Variants in LRP1B observed in about 807,000 individuals in gnomAD.
LRP1B encodes the protein low-density lipoprotein receptor-related protein 1B.
In LRP1B, 217 loss-of-function variants were observed where a neutral mutation model predicts 556.6. The ratio of observed to expected loss-of-function variants is 0.39; its 90% CI spans 0.35 to 0.44. The LOEUF is 0.44. Among genes scored for constraint, LRP1B ranks in the 20% least tolerant of loss-of-function variants. The probability of loss-of-function intolerance (pLI) is 1.00; values close to 1 mark genes in which losing one functional copy is unlikely to be tolerated. For missense variants in LRP1B, 5,053 were observed against 5,620.8 expected, an observed-to-expected ratio of 0.90 and a Z score of 3.23; for synonymous variants, 2,047 against 1,865.8, an observed-to-expected ratio of 1.10 and a Z score of -2.50.
intron 33 of LRP1B, among the ~76,000 whole-genome samples, chr2:140,773,421 A>T (rs1235489559): frequency 6.6e-6 from 1 of 152,156 alleles, no homozygotes; most frequent in African/African-American, 2.4e-5. Flanking sequence ...GTGAGCTGAC[A>T]TAGTGCCACT....
chr2:141,511,938 A>G (rs555849133), intron 2 of LRP1B, among the ~76,000 whole-genome samples: 13 of 152,304 alleles, frequency 8.5e-5, no homozygotes, highest in South Asian at 6.2e-4. Flanking sequence ...GTAAGTCATA[A>G]ATTAATGGAT....
chr2:141,779,158 T>C (rs1695164419), intron 2 of LRP1B, among the ~76,000 whole-genome samples: 1 of 152,156 alleles, frequency 6.6e-6, no homozygotes, highest in Admixed American at 6.5e-5. Context: ...CCTAGATTTG[T>C]ATTTATGTGG....
At chr2:140,273,237 A>G (rs553824196) in intron 85 of LRP1B, among the ~76,000 whole-genome samples, 93 of 151,990 alleles carry the variant, frequency 6.1e-4, no homozygotes, top group African/African-American at 2.2e-3. Context: ...GGTGCACAAG[A>G]CATAGAGAAC....
chr2:140,407,813 C>T (rs928412811), intron 66 of LRP1B, among the ~76,000 whole-genome samples: 6 of 152,090 alleles, frequency 3.9e-5, no homozygotes, highest in Non-Finnish European at 7.4e-5. Context: ...TTTGAGCCAG[C>T]AGTCCTACTA....
At chr2:141,245,327 TG>T (rs1169733053) in intron 5 of LRP1B, among the ~76,000 whole-genome samples, 1 of 152,198 alleles carries the variant, frequency 6.6e-6, no homozygotes, top group East Asian at 1.9e-4. Flanking sequence ...TAGATACATA[TG>T]TTTTCTAAAT....
intron 3 of LRP1B, among the ~76,000 whole-genome samples, chr2:141,325,736 C>T (rs569124319): frequency 5.3e-5 from 8 of 152,034 alleles, no homozygotes; most frequent in East Asian, 1.9e-4. Flanking sequence ...ATGGAGGAAG[C>T]GGAATTGAGT....
At chr2:141,345,656 A>T (rs76733377) in intron 3 of LRP1B, among the ~76,000 whole-genome samples, 3,735 of 131,056 alleles carry the variant, frequency 0.028, 179 homozygotes, top group African/African-American at 0.099. Context: ...TACCTGGCTA[A>T]TTTTTTTTTT....
chr2:140,266,370 G>A (rs1347938591), intron 86 of LRP1B, among the ~76,000 whole-genome samples: 1 of 151,854 alleles, frequency 6.6e-6, no homozygotes, highest in Non-Finnish European at 1.5e-5. Context: ...TTGATTTGTA[G>A]GAATCTACTC....
intron 73 of LRP1B, 76 bp from the exon 74 acceptor site, chr2:140,358,192 A>AT: frequency 7.4e-7 from 1 of 1,348,362 alleles, no homozygotes. Flanking sequence ...TAGCTCCAAA[A>AT]TTTTACTAAC....
At chr2:140,238,537 T>C (rs571616649) in intron 88 of LRP1B, among the ~76,000 whole-genome samples, 1 of 150,948 alleles carries the variant, frequency 6.6e-6, no homozygotes, top group Non-Finnish European at 1.5e-5. Context: ...CATTTGAAAT[T>C]GAATATTTAC....
intron 3 of LRP1B, among the ~76,000 whole-genome samples, chr2:141,387,704 G>C (rs1288360050): frequency 6.6e-6 from 1 of 152,138 alleles, no homozygotes; most frequent in African/African-American, 2.4e-5. Context: ...GTCAAGAACA[G>C]AGGGCTTCAC....
chr2:140,295,066 C>T (rs891601166), intron 84 of LRP1B, among the ~76,000 whole-genome samples: 3 of 151,458 alleles, frequency 2.0e-5, no homozygotes, highest in Non-Finnish European at 2.9e-5. Flanking sequence ...TTAGTAGAGA[C>T]GGCGTTTCAC....
At chr2:141,267,741 T>C (rs1207088049) in intron 3 of LRP1B, among the ~76,000 whole-genome samples, 1 of 152,168 alleles carries the variant, frequency 6.6e-6, no homozygotes, top group Non-Finnish European at 1.5e-5. Flanking sequence ...AGGGAATTTC[T>C]CTGTGCCTTG....
intron 1 of LRP1B, among the ~76,000 whole-genome samples, chr2:142,035,552 A>G (rs777359834): frequency 6.6e-5 from 10 of 151,480 alleles, no homozygotes; most frequent in Non-Finnish European, 1.3e-4. Context: ...GCCTTCCTTT[A>G]TAAGTTACTT....
intron 1 of LRP1B, among the ~76,000 whole-genome samples, chr2:141,870,028 T>C (rs1346513267): frequency 2.0e-5 from 3 of 152,032 alleles, no homozygotes; most frequent in African/African-American, 7.2e-5. Flanking sequence ...CAAATTCAAA[T>C]GTTTAGAAAA....
rs568817890 is a variant in LRP1B at position 141,898,053 on chromosome 2, T to C, written c.83-87652A>G. Among the ~76,000 whole-genome samples the C allele has an allele frequency of 2.6e-5, 4 of 152,206 alleles. No individual in the cohort carries two copies. In the South Asian group the frequency reaches 8.3e-4, roughly 32 times the overall value. On this transcript the variant is annotated intron_variant, in intron 1 of 90. Coordinates refer to ENST00000389484, the MANE Select transcript of LRP1B (RefSeq NM_018557.3). ...AAATTAACTCAATGAAAACCCACAG[T>C]CTTTACAGGCATTTGGGGTTAAGTT...
chr2:141,887,238 C>T (rs1035784668), intron 1 of LRP1B, among the ~76,000 whole-genome samples: 9 of 152,122 alleles, frequency 5.9e-5, no homozygotes, highest in African/African-American at 9.7e-5. Flanking sequence ...TCAAATGATC[C>T]GCCAGCCTTG....
intron 1 of LRP1B, among the ~76,000 whole-genome samples, chr2:142,029,556 G>A (rs1284708914): frequency 6.6e-6 from 1 of 151,776 alleles, no homozygotes; most frequent in African/African-American, 2.4e-5. Context: ...GAAAGGTGAA[G>A]GGGAGAAAGT....
rs144779389 is a variant in LRP1B at position 141,194,968 on chromosome 2, T to A, written c.851-6385A>T. 7.0e-4 allele frequency among the ~76,000 whole-genome samples: 107 copies of A among 152,216 alleles called. 3 individuals are homozygous for A. The East Asian group carries it at 0.014, about 20-fold the overall frequency. On this transcript the variant is annotated intron_variant, in intron 6 of 90. Coordinates refer to ENST00000389484, the MANE Select transcript of LRP1B (RefSeq NM_018557.3). ...ATATTTTAGTACCAAAACAATAAAT[T>A]AATAAGATATACAGTAGTTGTGATA...
Sources: allele counts gnomAD v4.1 joint callset (sites outside exome capture counted in the v4.1 genomes callset), GRCh38; gene constraint gnomAD v4.1.1; transcripts MANE v1.5; gene names NCBI Gene and HGNC (gene_info 2026-07-23, HGNC 2026-07-21).